Variants in UTP18 observed in about 807,000 individuals in gnomAD.
UTP18 encodes the protein U3 small nucleolar RNA-associated protein 18 homolog.
In UTP18, 36 loss-of-function variants were observed where a neutral mutation model predicts 61.1. The ratio of observed to expected loss-of-function variants is 0.59; its 90% confidence interval spans 0.45 to 0.78. UTP18 has a LOEUF of 0.78. UTP18 is among the 30% of genes least tolerant of loss of function. The pLI is 0.00. For synonymous variants in UTP18, 282 were observed against 251.1 expected (o/e 1.12, Z -1.16); for missense variants, 753 against 693.9 (o/e 1.09, Z -0.96).
chr17:51,263,152 C>T lies in UTP18; in HGVS notation c.343-122C>T, dbSNP rs1020538764. 5.3e-6 allele frequency: 4 copies of T among 758,346 alleles called. No homozygotes were observed. In the South Asian group the frequency reaches 7.1e-5, roughly 13 times the overall value. The allele number at this position is 758,346 out of a possible 1,614,324, so 47.0% of individuals were successfully genotyped here. On this transcript the variant is annotated intron_variant, in intron 1 of 13. Transcript: ENST00000225298. ...GCATTTGCAATGGTAGCATTCCATC[C>T]CATTATTTCATCAGAGAGTGGTAGA...
chr17:51,263,427 TAAAA>T (rs1182936947), intron 2 of UTP18, 41 bp downstream of exon 2: 4 of 1,405,072 alleles, frequency 2.8e-6, no homozygotes, highest in Admixed American at 2.1e-5. Context: ...TCTGTACACT[TAAAA>T]AAGTTATTTT....
In UTP18 at chr17:51,260,688, C is replaced by T. The variant is rs1415611163; in HGVS notation, c.104C>T (p.Pro35Leu). 5.6e-6 allele frequency: 9 copies of T among 1,608,080 alleles called. No homozygotes were observed. The highest frequency in any genetic ancestry group is 7.6e-6 in the Non-Finnish European group (9 of 1,178,080). Residue 35 changes from proline (P) to leucine (L), a missense_variant, in exon 1 of 14, where the codon CCA becomes CTA. Pro to Leu is a moderately conservative substitution (Grantham distance 98, BLOSUM62 -3). Transcript: ENST00000225298. ...MRPDWKAGAG[P>L]GGPPQKPAPS... ...CCGGACTGGAAAGCCGGAGCGGGGC[C>T]AGGCGGGCCTCCCCAAAAGCCTGCC...
At chr17:51,271,005 GTAAA>G (rs1003926543) in intron 4 of UTP18, among the ~76,000 whole-genome samples, 4 of 152,102 alleles carry the variant, frequency 2.6e-5, no homozygotes, top group African/African-American at 7.2e-5. Context: ...ATTTTTATCT[GTAAA>G]TATTTACTGA....
intron 5 of UTP18, among the ~76,000 whole-genome samples, chr17:51,274,024 C>T (rs1054390369): frequency 2.6e-5 from 4 of 152,248 alleles, no homozygotes; most frequent in Admixed American, 1.3e-4. Context: ...GTATTCTACA[C>T]TGCCCTTTAC....
chr17:51,272,150 G>A (rs1904551169), intron 4 of UTP18, among the ~76,000 whole-genome samples: 2 of 151,988 alleles, frequency 1.3e-5, no homozygotes, highest in South Asian at 4.1e-4. Flanking sequence ...CCAGGCTGGA[G>A]TGCAGTGGCG....
chr17:51,290,903 C>T (rs142907880), intron 11 of UTP18, among the ~76,000 whole-genome samples: 190 of 152,286 alleles, frequency 1.2e-3, no homozygotes, highest in African/African-American at 4.3e-3. Context: ...ATGATCTAGA[C>T]GGTTTTGTCA....
intron 9 of UTP18, among the ~76,000 whole-genome samples, chr17:51,282,504 AGATG>A (rs1904967608): frequency 9.0e-6 from 1 of 110,744 alleles, no homozygotes; most frequent in Non-Finnish European, 1.8e-5. Context: ...AAGGAAGGAA[AGATG>A]GAAGGAAGGA....
At chr17:51,265,266 C>CT (rs1055221855) in intron 2 of UTP18, among the ~76,000 whole-genome samples, 2,036 of 140,038 alleles carry the variant, frequency 0.015, 14 homozygotes, top group Middle Eastern at 0.04. Context: ...AAGGTTTGCT[C>CT]TTTTTTTTTT....
At chr17:51,268,791 C>T (rs771322533) in intron 3 of UTP18, 46 bp from the exon 4 acceptor site, 1 of 1,490,862 alleles carries the variant, frequency 6.7e-7, no homozygotes, top group African/African-American at 1.4e-5. Flanking sequence ...GCTTTATGGA[C>T]ATGTAGTGGT....
intron 4 of UTP18, 110 bp downstream of exon 4, chr17:51,269,014 C>A: frequency 9.4e-7 from 1 of 1,063,406 alleles, no homozygotes; most frequent in East Asian, 2.7e-5. Context: ...TTGCCTGGCT[C>A]GGTAGCTCAC....
chr17:51,280,764 G>A (rs1027839658), intron 9 of UTP18, among the ~76,000 whole-genome samples: 3 of 152,114 alleles, frequency 2.0e-5, no homozygotes, highest in Admixed American at 1.3e-4. Flanking sequence ...AGTGAGCTGT[G>A]ATTGGGCCAC....
At position 51,277,082 on chromosome 17, in the gene UTP18, C is replaced by T. The variant is rs763124885; in HGVS notation, c.838-48C>T. On this transcript the variant is annotated intron_variant, in intron 6 of 13. Transcript: ENST00000225298. ...GTGAAAAGTATATACTACCAGGATACAGGGTCTGTGGAAATAATCAAAAGA... is the reference window on the plus strand; with the variant it reads ...GTGAAAAGTATATACTACCAGGATATAGGGTCTGTGGAAATAATCAAAAGA... 18 of 1,575,574 alleles carry T rather than the reference C, an allele frequency of 1.1e-5. No homozygotes were observed. In the Admixed American group the frequency reaches 1.4e-4, roughly 12 times the overall value.
chr17:51,286,845 C>G (rs1483440276), intron 10 of UTP18, among the ~76,000 whole-genome samples: 2 of 152,042 alleles, frequency 1.3e-5, no homozygotes, highest in Non-Finnish European at 2.9e-5. Context: ...TTTTATTATA[C>G]TTTTAAGTTT....
intron 12 of UTP18, among the ~76,000 whole-genome samples, chr17:51,294,326 T>G (rs1905305568): frequency 6.6e-6 from 1 of 151,120 alleles, no homozygotes; most frequent in Non-Finnish European, 1.5e-5. Context: ...ATTAGGTATA[T>G]CTCCTAATGC....
intron 9 of UTP18, among the ~76,000 whole-genome samples, chr17:51,282,808 A>G (rs1227492994): frequency 1.3e-5 from 2 of 151,778 alleles, no homozygotes; most frequent in Non-Finnish European, 2.9e-5. Context: ...TAATTTTGAA[A>G]TGTTGATGGT....
intron 11 of UTP18, among the ~76,000 whole-genome samples, chr17:51,289,512 CT>C (rs1905195001): frequency 6.6e-6 from 1 of 151,784 alleles, no homozygotes; most frequent in Non-Finnish European, 1.5e-5. Flanking sequence ...CAGCCCAGAA[CT>C]TTCTAAGGAT....
chr17:51,271,067 A>G (rs1007467331), intron 4 of UTP18, among the ~76,000 whole-genome samples: 1 of 152,188 alleles, frequency 6.6e-6, no homozygotes, highest in African/African-American at 2.4e-5. Context: ...CACAGCTCCA[A>G]AAATCAACAG....
intron 11 of UTP18, among the ~76,000 whole-genome samples, chr17:51,288,774 G>T (rs1905175575): frequency 6.6e-6 from 1 of 152,210 alleles, no homozygotes; most frequent in Non-Finnish European, 1.5e-5. Context: ...ATGTATTGCA[G>T]TGGAAAGGAT....
intron 11 of UTP18, among the ~76,000 whole-genome samples, chr17:51,289,784 C>G (rs111371801): frequency 2.6e-5 from 4 of 152,304 alleles, no homozygotes; most frequent in African/African-American, 9.6e-5. Flanking sequence ...TGGCAAAAAG[C>G]CTTGCATCTG....
Sources: gnomAD v4.1 joint callset for allele counts (sites outside exome capture counted in the v4.1 genomes callset) on GRCh38, gnomAD v4.1.1 for gene constraint, MANE v1.5 for transcripts, NCBI Gene and HGNC (gene_info 2026-07-23, HGNC 2026-07-21) for gene names.